The following TMEM132C variants were observed in gnomAD, a reference collection of about 807,000 sequenced individuals.
TMEM132C encodes the protein protein phosphatase 1, regulatory subunit 152.
A neutral mutation model predicts 61.4 loss-of-function variants in TMEM132C; 29 were observed. The ratio of observed to expected loss-of-function variants is 0.47; its 90% confidence interval spans 0.35 to 0.64. TMEM132C has a LOEUF of 0.64. Among genes scored for constraint, TMEM132C ranks in the 30% least tolerant of loss-of-function variants. TMEM132C has a pLI of 0.00. For synonymous variants in TMEM132C, 656 were observed against 633.1 expected, an observed-to-expected ratio of 1.04 and a Z score of -0.54; for missense variants, 1,408 against 1,476.9, an observed-to-expected ratio of 0.95 and a Z score of 0.76.
At chr12:128,601,387 G>A (rs886270520) in intron 3 of TMEM132C, among the ~76,000 whole-genome samples, 2 of 152,206 alleles carry the variant, frequency 1.3e-5, no homozygotes, top group Non-Finnish European at 1.5e-5. Flanking sequence ...CACTTTCTAC[G>A]AGTCAGTGCT....
At chr12:128,413,481 C>A (rs1008547926) in intron 1 of TMEM132C, among the ~76,000 whole-genome samples, 5 of 151,744 alleles carry the variant, frequency 3.3e-5, no homozygotes, top group Admixed American at 6.6e-5. Flanking sequence ...TCATTCTCAG[C>A]AGCAATATAC....
At position 128,629,108 on chromosome 12, in the gene TMEM132C, C is replaced by T. The variant is rs150916280; in HGVS notation, c.1305+12773C>T. Among the ~76,000 whole-genome samples, 5 of 152,326 alleles carry T rather than the reference C, an allele frequency of 3.3e-5. No individual in the cohort carries two copies. The East Asian group carries it at 7.7e-4, about 24-fold the overall frequency. The stretch of plus-strand genomic sequence containing the variant: ...GAGTGATTTCAATCTCTCTTACAAA[C>T]ATCATGCACACTGGGACCTGCTTTA... On this transcript the variant is annotated intron_variant, in intron 4 of 8. Transcript: ENST00000435159.
At chr12:128,611,654 A>G (rs142366655) in intron 3 of TMEM132C, among the ~76,000 whole-genome samples, 9 of 152,330 alleles carry the variant, frequency 5.9e-5, no homozygotes, top group African/African-American at 2.2e-4. Context: ...TAGATACTGG[A>G]GGGAAACCTT....
intron 8 of TMEM132C, among the ~76,000 whole-genome samples, chr12:128,701,303 G>A (rs1954801982): frequency 6.6e-6 from 1 of 151,308 alleles, no homozygotes; most frequent in Non-Finnish European, 1.5e-5. Context: ...GAGCTGAATG[G>A]GCAGCCACCC....
intron 2 of TMEM132C, among the ~76,000 whole-genome samples, chr12:128,513,117 T>C (rs1237950518): frequency 1.3e-5 from 2 of 152,074 alleles, no homozygotes; most frequent in Non-Finnish European, 2.9e-5. Flanking sequence ...GGAGCAGGGT[T>C]AGATGCAGTT....
chr12:128,571,756 C>T (rs367881973), intron 3 of TMEM132C, among the ~76,000 whole-genome samples: 2 of 152,204 alleles, frequency 1.3e-5, no homozygotes, highest in African/African-American at 4.8e-5. Flanking sequence ...CAGTTAGGCA[C>T]GGTTGGATGC....
intron 2 of TMEM132C, among the ~76,000 whole-genome samples, chr12:128,422,079 C>T (rs1869006131): frequency 6.6e-6 from 1 of 152,192 alleles, no homozygotes; most frequent in Non-Finnish European, 1.5e-5. Context: ...TCAGAGAAAG[C>T]ATAGGCATTA....
At chr12:128,405,040 G>A (rs796541382) in intron 1 of TMEM132C, among the ~76,000 whole-genome samples, 37 of 152,202 alleles carry the variant, frequency 2.4e-4, no homozygotes, top group African/African-American at 7.2e-4. Flanking sequence ...GCTGTCTCCC[G>A]TGGCCGTAGG....
At chr12:128,453,373 G>C (rs1054277308) in intron 2 of TMEM132C, among the ~76,000 whole-genome samples, 1 of 152,140 alleles carries the variant, frequency 6.6e-6, no homozygotes, top group Non-Finnish European at 1.5e-5. Flanking sequence ...GGTCTCCCAC[G>C]GGAGTGGCTG....
chr12:128,668,258 GAA>G (rs1954498417), intron 4 of TMEM132C, among the ~76,000 whole-genome samples: 1 of 151,600 alleles, frequency 6.6e-6, no homozygotes, highest in Admixed American at 6.6e-5. Context: ...CAAAAAAAAA[GAA>G]AAAAGAATAG....
At chr12:128,429,399 C>T (rs1348023399) in intron 2 of TMEM132C, among the ~76,000 whole-genome samples, 1 of 152,196 alleles carries the variant, frequency 6.6e-6, no homozygotes, top group Non-Finnish European at 1.5e-5. Flanking sequence ...TAGATGACCA[C>T]AGCCATAGGT....
At chr12:128,631,829 T>C (rs1218003522) in intron 4 of TMEM132C, among the ~76,000 whole-genome samples, 5 of 152,190 alleles carry the variant, frequency 3.3e-5, no homozygotes, top group Admixed American at 6.5e-5. Context: ...CAGTAAAAAG[T>C]CTGCCTCTTT....
Position 128,415,608 on chromosome 12 carries a change from T to C in TMEM132C, c.962T>C (p.Leu321Pro). 1 of 1,530,416 alleles carries C rather than the reference T, an allele frequency of 6.5e-7. No homozygotes were observed. Among genetic ancestry groups the C allele is most frequent in the Non-Finnish European group, 8.8e-7 (1 of 1,134,392 alleles). The allele number at this position is 1,530,416 out of a possible 1,614,324, so 94.8% of individuals were successfully genotyped here. A position where few individuals can be genotyped will look rare whatever the true frequency, so the allele number is the denominator to read the frequency against. ...ATCTCGAGCAATTCCTCTGTGGACC[T>C]CTTCATCTTGAGGTAGGTGCCCATG... ...VTISSNSSVD[L>P]FILRAKVKKG... is the part of the protein sequence containing the mutation. The change falls in exon 2 of 9, where the codon CTC becomes CCC. Residue 321 changes from leucine to proline, a missense_variant. By Grantham distance (98) the Leu-to-Pro change is moderately conservative. Coordinates refer to ENST00000435159, the MANE Select transcript of TMEM132C (RefSeq NM_001136103.3). This position sits in a 1 kb window ranked among gnomAD's most constrained non-coding sequence, Gnocchi z 5.8.
At chr12:128,541,412 G>A (rs1838853671) in intron 2 of TMEM132C, among the ~76,000 whole-genome samples, 1 of 152,126 alleles carries the variant, frequency 6.6e-6, no homozygotes. Flanking sequence ...TGTTCCCACT[G>A]GAGATTGAGG....
At chr12:128,390,815 G>A (rs993025930) in intron 1 of TMEM132C, among the ~76,000 whole-genome samples, 2 of 152,174 alleles carry the variant, frequency 1.3e-5, no homozygotes, top group African/African-American at 4.8e-5. Context: ...GCGCTGTCCA[G>A]GTGATCTGCA....
intron 1 of TMEM132C, among the ~76,000 whole-genome samples, chr12:128,340,776 T>C (rs888153955): frequency 6.9e-6 from 1 of 144,464 alleles, no homozygotes; most frequent in Non-Finnish European, 1.5e-5. Flanking sequence ...TCTATTTTTC[T>C]TTCTTTCTCT....
intron 2 of TMEM132C, among the ~76,000 whole-genome samples, chr12:128,440,806 T>G (rs1869756694): frequency 6.6e-6 from 1 of 152,122 alleles, no homozygotes; most frequent in Non-Finnish European, 1.5e-5. Flanking sequence ...CCCAGCACTT[T>G]GGGAGGCTGA....
At chr12:128,541,455 G>A (rs1261329440) in intron 2 of TMEM132C, among the ~76,000 whole-genome samples, 1 of 152,190 alleles carries the variant, frequency 6.6e-6, no homozygotes, top group East Asian at 1.9e-4. Context: ...CTCTATTCTT[G>A]CCTTGGTCTT....
rs551382625 is a variant in TMEM132C at position 128,415,156 on chromosome 12, G to C, written c.510G>C (p.Leu170=). The C allele has an allele frequency of 4.3e-5, 70 of 1,610,844 alleles. No homozygotes were observed. Among genetic ancestry groups the C allele is most frequent in the Non-Finnish European group, 4.2e-5 (50 of 1,178,590 alleles). ...GCGCCGGGGAGAAGCTGCCATGCCT[G>C]AGGGTCTTTGCTTTCCGAGAAACCA... ...DHGAGEKLPC[L]RVFAFRETRE... The change falls in exon 2 of 9, where the codon CTG becomes CTC. Residue 170 remains leucine (L), a synonymous_variant. Transcript: ENST00000435159. This position sits in a 1 kb window ranked among gnomAD's most constrained non-coding sequence, Gnocchi z 5.8.
Sources: gnomAD v4.1 joint callset for allele counts (sites outside exome capture counted in the v4.1 genomes callset) on GRCh38, gnomAD v4.1.1 for gene constraint, Gnocchi (gnomAD v3.1) non-coding constraint, MANE v1.5 for transcripts, NCBI Gene and HGNC (gene_info 2026-07-23, HGNC 2026-07-21) for gene names.